The following ZBTB20 variants were observed in gnomAD, a reference collection of about 807,000 sequenced individuals.
ZBTB20 encodes the protein zinc finger and BTB domain containing 20.
ZBTB20 carries 9 observed loss-of-function variants against 56.9 expected under a neutral mutation model. That is an observed-to-expected ratio of 0.16 (90% CI 0.10 to 0.28). ZBTB20 has a LOEUF of 0.28. Ranked by LOEUF, ZBTB20 falls within the 10% of genes least tolerant of loss-of-function variation. The probability of loss-of-function intolerance (pLI) is 1.00; values close to 1 mark genes in which losing one functional copy is unlikely to be tolerated. For synonymous variants in ZBTB20, 417 were observed against 420.7 expected (o/e 0.99, Z 0.11); for missense variants, 655 against 1,003.0 (o/e 0.65, Z 4.69).
intron 4 of ZBTB20, among the ~76,000 whole-genome samples, chr3:114,899,242 T>G: frequency 6.6e-6 from 1 of 152,128 alleles, no homozygotes; most frequent in East Asian, 1.9e-4. Flanking sequence ...CAGAAACACA[T>G]GCACAAATTA....
intron 4 of ZBTB20, among the ~76,000 whole-genome samples, chr3:114,827,442 T>C (rs991621510): frequency 1.3e-5 from 2 of 151,804 alleles, no homozygotes; most frequent in African/African-American, 4.8e-5. Context: ...TTAGTTATAT[T>C]AGTTCCAGAA....
chr3:114,368,064 C>T (rs921290883), intron 10 of ZBTB20, among the ~76,000 whole-genome samples: 3 of 152,084 alleles, frequency 2.0e-5, no homozygotes, highest in African/African-American at 4.8e-5. Flanking sequence ...AAACTGTAGC[C>T]GACACTCAAA....
intron 5 of ZBTB20, among the ~76,000 whole-genome samples, chr3:114,775,160 T>TC (rs1248420501): frequency 6.6e-6 from 1 of 152,108 alleles, no homozygotes; most frequent in Non-Finnish European, 1.5e-5. Context: ...TTTTTTTTTT[T>TC]CCTCAGTAAA....
intron 6 of ZBTB20, among the ~76,000 whole-genome samples, chr3:114,617,307 T>A (rs2107732467): frequency 6.6e-6 from 1 of 152,312 alleles, no homozygotes; most frequent in East Asian, 1.9e-4. Context: ...TCTGCCATGC[T>A]ATTTCTAGTT....
intron 2 of ZBTB20, among the ~76,000 whole-genome samples, chr3:115,029,349 C>A (rs1329464142): frequency 2.7e-5 from 4 of 146,994 alleles, no homozygotes; most frequent in Non-Finnish European, 6.1e-5. Flanking sequence ...AGGGGGGGGG[C>A]AGTGGTAGAG....
chr3:114,847,213 C>T (rs1358773310), intron 4 of ZBTB20, among the ~76,000 whole-genome samples: 1 of 151,794 alleles, frequency 6.6e-6, no homozygotes, highest in Non-Finnish European at 1.5e-5. Flanking sequence ...CAATGGTCAC[C>T]TTGGAAGAAA....
chr3:114,761,404 C>T (rs1252458085), intron 5 of ZBTB20, among the ~76,000 whole-genome samples: 2 of 152,098 alleles, frequency 1.3e-5, no homozygotes, highest in African/African-American at 2.4e-5. Context: ...TATTATGAAA[C>T]TCACAAGTAG....
At chr3:115,100,507 C>G (rs2108604213) in intron 1 of ZBTB20, 1 of 152,600 alleles carries the variant, frequency 6.6e-6, no homozygotes, top group South Asian at 2.1e-4. Flanking sequence ...AGACAGCAGA[C>G]AGCTCTCCTT....
At chr3:114,572,324 C>A (rs759019119) in intron 6 of ZBTB20, among the ~76,000 whole-genome samples, 2 of 152,206 alleles carry the variant, frequency 1.3e-5, no homozygotes, top group Non-Finnish European at 2.9e-5. Flanking sequence ...TGGAATAACA[C>A]ACAAAGTGTA....
chr3:114,741,694 G>T (rs1271912322), intron 5 of ZBTB20, among the ~76,000 whole-genome samples: 7 of 150,474 alleles, frequency 4.7e-5, no homozygotes, highest in Non-Finnish European at 8.9e-5. Flanking sequence ...CCAAGATGGG[G>T]AAACCCCGTC....
Position 114,337,998 on chromosome 3 carries a change from A to C in ZBTB20, c.*1007T>G, listed in dbSNP as rs1487064120. 1 of 151,924 alleles carries C rather than the reference A, an allele frequency of 6.6e-6. No individual in the cohort carries two copies. The highest frequency in any genetic ancestry group is 2.4e-5 in the African/African-American group (1 of 41,356). The allele number at this position is 151,924 out of a possible 1,614,324, so 9.4% of individuals were successfully genotyped here. A position where few individuals can be genotyped will look rare whatever the true frequency, so the allele number is the denominator to read the frequency against. ...TAAACGTCACTTTTGCCCCTCTATA[A>C]AATTTTGAATTAAAAAAGCCTCAAG... On this transcript the variant is annotated 3_prime_UTR_variant, in exon 12 of 12. Coordinates refer to ENST00000675478, the MANE Select transcript of ZBTB20 (RefSeq NM_001348800.3).
chr3:114,512,061 A>G (rs908893437), intron 6 of ZBTB20, among the ~76,000 whole-genome samples: 4 of 152,164 alleles, frequency 2.6e-5, no homozygotes, highest in African/African-American at 9.6e-5. Context: ...TAAAGCCTTT[A>G]CTATGGTCTG....
At chr3:114,487,757 C>T (rs982185771) in intron 7 of ZBTB20, among the ~76,000 whole-genome samples, 5 of 152,180 alleles carry the variant, frequency 3.3e-5, no homozygotes, top group African/African-American at 1.2e-4. Flanking sequence ...AATTCTCTAG[C>T]GTCTTTCACT....
chr3:114,682,243 G>GA (rs978087694), intron 6 of ZBTB20, among the ~76,000 whole-genome samples: 4 of 151,838 alleles, frequency 2.6e-5, no homozygotes, highest in African/African-American at 9.7e-5. Context: ...ATATGCACAG[G>GA]AAAAAAAATG....
At chr3:114,586,845 A>G (rs1337237077) in intron 6 of ZBTB20, among the ~76,000 whole-genome samples, 1 of 151,974 alleles carries the variant, frequency 6.6e-6, no homozygotes, top group Non-Finnish European at 1.5e-5. Context: ...AAATGGTCTC[A>G]GGGTCAATAT....
rs2087012949 is a variant in ZBTB20, at chr3:114,403,560, A to C, written c.-254-14455T>G. On this transcript the variant is annotated intron_variant, in intron 7 of 11. Coordinates refer to ENST00000675478, the MANE Select transcript of ZBTB20 (RefSeq NM_001348800.3). ...AGTCTAATATGATCAGGCCACGTTTATAGGTATTATAGGATTCATATAAAA... is the reference window on the plus strand; with the variant it reads ...AGTCTAATATGATCAGGCCACGTTTCTAGGTATTATAGGATTCATATAAAA... Among the ~76,000 whole-genome samples, 3 of 152,060 alleles carry C rather than the reference A, an allele frequency of 2.0e-5. No homozygotes were observed. The South Asian group carries it at 6.2e-4, about 32-fold the overall frequency.
intron 6 of ZBTB20, chr3:114,520,084 C>G (rs1029466795): frequency 6.6e-6 from 1 of 151,710 alleles, no homozygotes; most frequent in Admixed American, 6.6e-5. Flanking sequence ...TGTAGGCTGA[C>G]CTTTGGGGAA....
chr3:114,470,950 G>C (rs190543398), intron 7 of ZBTB20, among the ~76,000 whole-genome samples: 230 of 152,254 alleles, frequency 1.5e-3, no homozygotes, highest in Middle Eastern at 0.01. Context: ...ATCTCCTGGA[G>C]CAGACCTGGT....
Position 114,335,309 on chromosome 3 carries a change from C to T in ZBTB20, c.*3696G>A, listed in dbSNP as rs568761113. ...CTACTAGAAAGAAATTTTTTTAGCA[C>T]TCATATCACCCTACCATGAAGGTCT... On this transcript the variant is annotated 3_prime_UTR_variant, in exon 12 of 12. Transcript: ENST00000675478. 1 of 152,166 alleles carries T rather than the reference C, an allele frequency of 6.6e-6. No homozygotes were observed. Among genetic ancestry groups the T allele is most frequent in the Non-Finnish European group, 1.5e-5 (1 of 67,998 alleles). The allele number at this position is 152,166 out of a possible 1,614,324, so 9.4% of individuals were successfully genotyped here.
Sources: allele counts gnomAD v4.1 joint callset (sites outside exome capture counted in the v4.1 genomes callset), GRCh38; gene constraint gnomAD v4.1.1; transcripts MANE v1.5; gene names NCBI Gene and HGNC (gene_info 2026-07-23, HGNC 2026-07-21).